Variants in HSF4 observed in about 807,000 individuals in gnomAD.
HSF4 encodes the protein heat shock factor protein 4.
A neutral mutation model predicts 52.0 loss-of-function variants in HSF4; 41 were observed. That is an observed-to-expected ratio of 0.79 (90% CI 0.61 to 1.02). The LOEUF (loss-of-function observed/expected upper bound fraction) is 1.02, where lower values mean the gene tolerates loss of function less well. Ranked by LOEUF, HSF4 falls within the 50% of genes least tolerant of loss-of-function variation. HSF4 has a pLI of 0.00. For missense variants in HSF4, 610 were observed against 651.1 expected (o/e 0.94, Z 0.69); for synonymous variants, 285 against 273.0 (o/e 1.04, Z -0.43).
intron 9 of HSF4, among the ~76,000 whole-genome samples, chr16:67,168,504 G>C (rs1286579830): frequency 1.3e-5 from 2 of 151,606 alleles, no homozygotes; most frequent in Non-Finnish European, 2.9e-5. Context: ...AGGAAAGAGA[G>C]AGAGAGAGAG....
At chr16:67,167,993 C>T (rs1567670127) in intron 9 of HSF4, 46 bp downstream of exon 9, 9 of 1,414,338 alleles carry the variant, frequency 6.4e-6, no homozygotes, top group Non-Finnish European at 8.7e-6. Context: ...ATAGAACAGC[C>T]CTTACCAGCC....
At position 67,164,786 on chromosome 16, in the gene HSF4, G is replaced by A. The variant is rs1246735354; in HGVS notation, c.-26G>A. On this transcript the variant is annotated 5_prime_UTR_variant, in exon 1 of 13. Transcript: ENST00000521374. ...ACGAGCCCGCAGCGGCCGGGCCCGA[G>A]CGCAGAGCCGGGCCGAGACTGCACC... The A allele has an allele frequency of 6.3e-7, 1 of 1,580,718 alleles. No homozygotes were observed. Among genetic ancestry groups the A allele is most frequent in the Non-Finnish European group, 8.5e-7 (1 of 1,171,484 alleles).
Position 67,164,874 on chromosome 16 carries a change from C to G in HSF4, c.63C>G (p.Leu21=), listed in dbSNP as rs372135101. Residue 21 remains leucine, a synonymous_variant, in exon 1 of 13, where the codon CTC becomes CTG. Transcript: ENST00000521374. ...GCCCCAGCCCCGTGCCTGCCTTCCT[C>G]GGCAAGCTATGGGCGCTGGTGGGGG... The part of the protein sequence containing the change: ...EPGPSPVPAF[L]GKLWALVGDP... 6.2e-7 allele frequency: 1 copy of G among 1,607,702 alleles called. No homozygotes were observed.
At chr16:67,164,278 G>A (rs1468400504), upstream of HSF4, 2 of 399,186 alleles carry the variant, frequency 5.0e-6, no homozygotes, top group African/African-American at 4.2e-5. Flanking sequence ...TTCCTCAAGA[G>A]CCTCTGGACG....
At chr16:67,168,138 A>G (rs1027216008) in intron 9 of HSF4, among the ~76,000 whole-genome samples, 191 bp downstream of exon 9, 1 of 152,224 alleles carries the variant, frequency 6.6e-6, no homozygotes, top group African/African-American at 2.4e-5. Flanking sequence ...CCTACATATG[A>G]AATGAGTTCC....
Position 67,167,453 on chromosome 16 carries a change from G to A in HSF4, c.730-22G>A, listed in dbSNP as rs773036829. 6.2e-7 allele frequency: 1 copy of A among 1,613,812 alleles called. No individual in the cohort carries two copies. Among genetic ancestry groups the A allele is most frequent in the East Asian group, 2.2e-5 (1 of 44,890 alleles). Reference sequence around the variant, plus strand: ...TCCCTGTGCCTACAGGCCAAGGGCTGGGCCTAGCCTTCTACTTACAGCCTC... The same window carrying A: ...TCCCTGTGCCTACAGGCCAAGGGCTAGGCCTAGCCTTCTACTTACAGCCTC... On this transcript the variant is annotated intron_variant, in intron 7 of 12. Transcript: ENST00000521374.
chr16:67,167,763 G>A lies in HSF4; in HGVS notation c.898G>A (p.Gly300Arg), dbSNP rs768039146. Reference protein sequence around the residue: ...ALLKEEPASPGGDGEAGLALA... With the variant: ...ALLKEEPASPRGDGEAGLALA... ...GCTCAAAGAAGAGCCGGCCAGTCCA[G>A]GGGGGGATGGCGAGGCCGGGCTGGC... Residue 300 changes from glycine (G) to arginine (R), a missense_variant, in exon 9 of 13, where the codon GGG becomes AGG. By Grantham distance (125) the Gly-to-Arg change is moderately radical. Transcript: ENST00000521374. 6.2e-7 allele frequency: 1 copy of A among 1,601,970 alleles called. No individual in the cohort carries two copies. Among genetic ancestry groups the A allele is most frequent in the South Asian group, 1.1e-5 (1 of 90,046 alleles).
upstream of HSF4, chr16:67,164,306 C>T: frequency 2.6e-6 from 1 of 386,094 alleles, no homozygotes. Flanking sequence ...TGCGGGGGGT[C>T]AGGGTCGGGG....
Position 67,165,874 on chromosome 16 carries a change from A to AGAGGG in HSF4, c.360+32_360+33insGGAGG. 9.4e-6 allele frequency: 15 copies of AGAGGG among 1,598,216 alleles called. No homozygotes were observed. Among genetic ancestry groups the AGAGGG allele is most frequent in the Non-Finnish European group, 1.3e-5 (15 of 1,178,616 alleles). ...GGGGGCGGCCTGCGGGAATGAGCAA[A>AGAGGG]GAGGAGGAGGGGTGCTGGGACTGCC... On this transcript the variant is annotated intron_variant, in intron 3 of 12. Coordinates refer to ENST00000521374, the MANE Select transcript of HSF4 (RefSeq NM_001374675.1). This position sits in a 1 kb window ranked among gnomAD's most constrained non-coding sequence, Gnocchi z 6.9.
chr16:67,168,037 C>T (rs1386073617), intron 9 of HSF4, 90 bp downstream of exon 9: 4 of 1,059,684 alleles, frequency 3.8e-6, no homozygotes, highest in South Asian at 2.7e-5. Context: ...CTCCATGATA[C>T]TCACCTGATT....
chr16:67,169,932 GTTT>G, exon 13 of HSF4: 2 of 629,446 alleles, frequency 3.2e-6, no homozygotes, highest in South Asian at 1.9e-5. The surrounding 1 kb of genome is among the most constrained non-coding windows in gnomAD (Gnocchi z 4.3). Flanking sequence ...CATAAACTCC[GTTT>G]TTTTTTTTTC....
Position 67,164,967 on chromosome 16 carries a change from G to A in HSF4, c.123+33G>A, listed in dbSNP as rs747896737. 3.8e-6 allele frequency: 6 copies of A among 1,563,662 alleles called. No homozygotes were observed. In the South Asian group the frequency reaches 5.8e-5, roughly 15 times the overall value. On this transcript the variant is annotated intron_variant, in intron 1 of 12. Coordinates refer to ENST00000521374, the MANE Select transcript of HSF4 (RefSeq NM_001374675.1). ...CCGGGGCCCCTCGATTCCCCCTGTG[G>A]TCCCGGGGTCCCTCCACGTCAGTGA...
rs374589300 is a variant in HSF4 at position 67,166,589 on chromosome 16, C to T, written c.593C>T (p.Ala198Val). Residue 198 changes from alanine to valine, a missense_variant, in exon 6 of 13, where the codon GCG (alanine) becomes GTG (valine). Physicochemically the swap from Ala to Val is moderately conservative, Grantham distance 64 (BLOSUM62 0). Transcript: ENST00000521374. ...LIQCLFGPLQAGPSNAGGKRK... is the reference protein window; with the variant it reads ...LIQCLFGPLQVGPSNAGGKRK... ...CAGTGTCTCTTTGGGCCACTTCAGG[C>T]GGGGCCGAGCAATGCAGGAGGCAAG... is the stretch of plus-strand genomic sequence containing the variant. The T allele has an allele frequency of 1.2e-5, 19 of 1,613,766 alleles. No homozygotes were observed. The highest frequency in any genetic ancestry group is 1.5e-5 in the Non-Finnish European group (18 of 1,179,972).
Position 67,168,940 on chromosome 16 carries a change from A to C in HSF4, c.1188+4A>C. 1.9e-6 allele frequency: 3 copies of C among 1,613,660 alleles called. No individual in the cohort carries two copies. The South Asian group carries it at 3.3e-5, about 18-fold the overall frequency. The stretch of plus-strand genomic sequence containing the variant: ...GGAACCTGCAGGGCCTCTAGATGTG[A>C]GTACCCCTTCTGCTGAAACAGGGGC... On this transcript the variant is annotated splice_donor_region_variant and intron_variant, in intron 10 of 12. Coordinates refer to ENST00000521374, the MANE Select transcript of HSF4 (RefSeq NM_001374675.1).
chr16:67,167,821 C>A lies in HSF4; in HGVS notation c.956C>A (p.Thr319Lys). The A allele has an allele frequency of 6.3e-7, 1 of 1,591,014 alleles. No individual in the cohort carries two copies. Among genetic ancestry groups the A allele is most frequent in the Non-Finnish European group, 8.6e-7 (1 of 1,169,502 alleles). ...LAPNECDFCV[T>K]APPPLPVAVV... is the part of the protein sequence containing the mutation. ...CCAAACGAGTGTGACTTCTGCGTGACAGCCCCCCCGCCACTGCCTGTGGCT... is the reference window on the plus strand; with the variant it reads ...CCAAACGAGTGTGACTTCTGCGTGAAAGCCCCCCCGCCACTGCCTGTGGCT... Residue 319 changes from threonine to lysine, a missense_variant, in exon 9 of 13, where the codon ACA becomes AAA. Coordinates refer to ENST00000521374, the MANE Select transcript of HSF4 (RefSeq NM_001374675.1).
chr16:67,169,060 C>A lies in HSF4; in HGVS notation c.1213C>A (p.Arg405=), dbSNP rs761738142. 5 of 1,613,718 alleles carry A rather than the reference C, an allele frequency of 3.1e-6. No homozygotes were observed. The highest frequency in any genetic ancestry group is 2.2e-5 in the East Asian group (1 of 44,882). Residue 405 remains arginine (R), a synonymous_variant, in exon 11 of 13, where the codon CGA becomes AGA. Coordinates refer to ENST00000521374, the MANE Select transcript of HSF4 (RefSeq NM_001374675.1). This position sits in a 1 kb window ranked among gnomAD's most constrained non-coding sequence, Gnocchi z 4.3. ...GGTGCTGGGCCCCAGTCTCCAAGGGCGAGAATGGACCCTGATGGACTTGGA... is the reference window on the plus strand; with the variant it reads ...GGTGCTGGGCCCCAGTCTCCAAGGGAGAGAATGGACCCTGATGGACTTGGA... ...LDVLGPSLQG[R]EWTLMDLDME... is the part of the protein sequence containing the mutation.
chr16:67,166,131 TGGCC>T, intron 4 of HSF4, 61 bp downstream of exon 4: 1 of 1,495,760 alleles, frequency 6.7e-7, no homozygotes, highest in Non-Finnish European at 9.0e-7. Context: ...AGACCATAAC[TGGCC>T]GGCCAGCAGT....
chr16:67,166,550 C>T lies in HSF4; in HGVS notation c.562-8C>T, dbSNP rs372135974. On this transcript the variant is annotated splice_polypyrimidine_tract_variant and splice_region_variant and intron_variant, in intron 5 of 12. Coordinates refer to ENST00000521374, the MANE Select transcript of HSF4 (RefSeq NM_001374675.1). ...AAAGTATGAATTAAACCTTTGCTTT[C>T]TCTTCAGCTGATCCAGTGTCTCTTT... The T allele has an allele frequency of 2.6e-5, 42 of 1,613,804 alleles. No homozygotes were observed. In the African/African-American group the frequency reaches 4.9e-4, roughly 19 times the overall value.
chr16:67,168,717 T>A, intron 9 of HSF4, 114 bp from the exon 10 acceptor site: 1 of 810,968 alleles, frequency 1.2e-6, no homozygotes, highest in East Asian at 2.4e-5. Context: ...AGGATGGGGA[T>A]CCTCTCCTAT....
Sources: gnomAD v4.1 joint callset for allele counts (sites outside exome capture counted in the v4.1 genomes callset) on GRCh38, gnomAD v4.1.1 for gene constraint, Gnocchi (gnomAD v3.1) non-coding constraint, MANE v1.5 for transcripts, NCBI Gene and HGNC (gene_info 2026-07-23, HGNC 2026-07-21) for gene names.